Variants in POFUT3 observed in about 807,000 individuals in gnomAD.
POFUT3 encodes protein O-fucosyltransferase 3.
At chr8:33,330,097 C>T in the POFUT3 span, among the ~76,000 whole-genome samples, 39,458 of 152,020 alleles carry the variant, frequency 0.26, 5,471 homozygotes, top group South Asian at 0.5. Context: ...ATTTTTTAAA[C>T]GTTTGCTTCA....
the POFUT3 span, among the ~76,000 whole-genome samples, chr8:33,427,307 G>C: frequency 1.4e-4 from 22 of 152,300 alleles, 1 homozygote; most frequent in East Asian, 3.9e-3. Flanking sequence ...GCCAGGCGTG[G>C]TGGCTCACAC....
the POFUT3 span, among the ~76,000 whole-genome samples, chr8:33,457,053 G>A: frequency 6.6e-6 from 1 of 151,872 alleles, no homozygotes; most frequent in Non-Finnish European, 1.5e-5. Flanking sequence ...ACAGGCCTAA[G>A]CCACCATGCC....
the POFUT3 span, among the ~76,000 whole-genome samples, chr8:33,430,199 G>A: frequency 6.7e-6 from 1 of 148,156 alleles, no homozygotes; most frequent in African/African-American, 2.5e-5. Flanking sequence ...GAAAGACAGA[G>A]CACTGGCCAG....
At chr8:33,453,596 G>A in the POFUT3 span, 1 of 1,184,534 alleles carries the variant, frequency 8.4e-7, no homozygotes, top group African/African-American at 1.5e-5. Context: ...TTTAGCCCCT[G>A]ACTCGTTTTC....
the POFUT3 span, among the ~76,000 whole-genome samples, chr8:33,431,252 G>A: frequency 6.6e-6 from 1 of 151,950 alleles, no homozygotes; most frequent in African/African-American, 2.4e-5. Flanking sequence ...GTGGCTAAAA[G>A]TATACCCTAG....
At chr8:33,378,359 T>C in the POFUT3 span, among the ~76,000 whole-genome samples, 4 of 152,274 alleles carry the variant, frequency 2.6e-5, no homozygotes, top group Admixed American at 6.5e-5. Context: ...CTCTTTCTCA[T>C]GGTTGGGTGC....
the POFUT3 span, among the ~76,000 whole-genome samples, chr8:33,469,450 C>T: frequency 1.1e-3 from 164 of 152,294 alleles, 1 homozygote; most frequent in African/African-American, 3.8e-3. Flanking sequence ...GGAAAGTCAT[C>T]CTCTTCATAC....
chr8:33,352,945 A>G, the POFUT3 span, among the ~76,000 whole-genome samples: 8 of 152,246 alleles, frequency 5.3e-5, no homozygotes, highest in Non-Finnish European at 1.5e-5. Flanking sequence ...CTGAGGACAT[A>G]TGGGACACAT....
the POFUT3 span, among the ~76,000 whole-genome samples, chr8:33,420,195 C>T: frequency 6.6e-6 from 1 of 151,910 alleles, no homozygotes; most frequent in Non-Finnish European, 1.5e-5. Context: ...TCTCATATAT[C>T]TAATGGAACA....
the POFUT3 span, among the ~76,000 whole-genome samples, chr8:33,463,517 A>T: frequency 6.6e-6 from 1 of 151,764 alleles, no homozygotes; most frequent in Non-Finnish European, 1.5e-5. Context: ...AAAAAAAAAA[A>T]GGTGGGCTCC....
At chr8:33,432,250 A>T in the POFUT3 span, among the ~76,000 whole-genome samples, 2 of 152,028 alleles carry the variant, frequency 1.3e-5, no homozygotes, top group Non-Finnish European at 2.9e-5. Context: ...TCTCTACTAA[A>T]AACACAAAAA....
At chr8:33,454,384 G>A in the POFUT3 span, among the ~76,000 whole-genome samples, 1 of 152,048 alleles carries the variant, frequency 6.6e-6, no homozygotes, top group African/African-American at 2.4e-5. Context: ...TCTTCTCTCT[G>A]ACCATGTCAG....
chr8:33,332,624 G>A, the POFUT3 span, among the ~76,000 whole-genome samples: 2 of 152,148 alleles, frequency 1.3e-5, no homozygotes, highest in Non-Finnish European at 2.9e-5. Flanking sequence ...AGAAATAGAA[G>A]CACACATTTG....
chr8:33,407,407 T>C, the POFUT3 span, among the ~76,000 whole-genome samples: 1 of 152,174 alleles, frequency 6.6e-6, no homozygotes, highest in Non-Finnish European at 1.5e-5. Context: ...ATCATAATAA[T>C]TATTAATTTG....
chr8:33,316,299 C>T, the POFUT3 span, among the ~76,000 whole-genome samples: 27 of 152,090 alleles, frequency 1.8e-4, no homozygotes, highest in African/African-American at 1.9e-4. Context: ...CTATCTTCCC[C>T]ACTTTACCTT....
At chr8:33,402,114 G>C in the POFUT3 span, among the ~76,000 whole-genome samples, 3 of 152,164 alleles carry the variant, frequency 2.0e-5, no homozygotes, top group Non-Finnish European at 4.4e-5. Context: ...AGTAATTGCT[G>C]ATATCTTCAA....
At chr8:33,332,605 G>C in the POFUT3 span, among the ~76,000 whole-genome samples, 2 of 152,140 alleles carry the variant, frequency 1.3e-5, no homozygotes, top group African/African-American at 4.8e-5. Context: ...GTAGGGAGCT[G>C]AATGAAGGAG....
chr8:33,372,797 G>A, the POFUT3 span: 1 of 1,613,700 alleles, frequency 6.2e-7, no homozygotes. Flanking sequence ...TCTTTTGGGT[G>A]GTAAGCCCTG....
the POFUT3 span, among the ~76,000 whole-genome samples, chr8:33,414,968 A>G: frequency 6.6e-6 from 1 of 151,820 alleles, no homozygotes; most frequent in Non-Finnish European, 1.5e-5. Context: ...CATAAAGAAA[A>G]AAAAAAAAAA....
Sources: allele counts gnomAD v4.1 joint callset (sites outside exome capture counted in the v4.1 genomes callset), GRCh38; gene constraint gnomAD v4.1.1; transcripts MANE v1.5; gene names NCBI Gene and HGNC (gene_info 2026-07-23, HGNC 2026-07-21).